The following NEK10 variants were observed in gnomAD, a reference collection of about 807,000 sequenced individuals.
The protein encoded by NEK10 is serine/threonine-protein kinase Nek10.
In NEK10, 122 loss-of-function variants were observed where a neutral mutation model predicts 159.8. The ratio of observed to expected loss-of-function variants is 0.76; its 90% confidence interval spans 0.66 to 0.89. The LOEUF (loss-of-function observed/expected upper bound fraction) is 0.89, where lower values mean the gene tolerates loss of function less well. Ranked by LOEUF, NEK10 falls within the 40% of genes least tolerant of loss-of-function variation. The pLI is 0.00. For missense variants in NEK10, 1,342 were observed against 1,323.1 expected (o/e 1.01, Z -0.22); for synonymous variants, 466 against 457.1 (o/e 1.02, Z -0.25).
rs180893036 is a variant in NEK10 at position 27,362,817 on chromosome 3, C to T, written c.-38+6408G>A. Among the ~76,000 whole-genome samples the T allele has an allele frequency of 2.6e-3, 401 of 152,040 alleles. 5 individuals carry two copies. The highest frequency in any genetic ancestry group is 6.8e-3 in the Middle Eastern group (2 of 294). On this transcript the variant is annotated intron_variant, in intron 1 of 35. Coordinates refer to ENST00000691995, the MANE Select transcript of NEK10 (RefSeq NM_001394966.1). The stretch of plus-strand genomic sequence containing the variant: ...TATCTGTCCACCGTCACTGCCAACG[C>T]CCTAGTCCAAACTTACATCAGTGCT...
intron 22 of NEK10, among the ~76,000 whole-genome samples, chr3:27,269,492 G>T (rs2041165945): frequency 6.6e-6 from 1 of 152,192 alleles, no homozygotes; most frequent in Non-Finnish European, 1.5e-5. Context: ...ATGACTTGCT[G>T]AAGGCTCAGA....
In NEK10 at chr3:27,299,229, C is replaced by T. The variant is rs1040819454; in HGVS notation, c.1169-1989G>A. Among the ~76,000 whole-genome samples, 3 of 152,258 alleles carry T rather than the reference C, an allele frequency of 2.0e-5. No individual in the cohort carries two copies. The East Asian group carries it at 5.8e-4, about 29-fold the overall frequency. ...CTGTGCGCAGTCTAGGGACTTGGTGCCCTGCATCCCAGCCACTTCAGTCAT... is the reference window on the plus strand; with the variant it reads ...CTGTGCGCAGTCTAGGGACTTGGTGTCCTGCATCCCAGCCACTTCAGTCAT... On this transcript the variant is annotated intron_variant, in intron 13 of 35. Transcript: ENST00000691995.
intron 23 of NEK10, chr3:27,215,622 CTTTAT>C (rs1463530126): frequency 6.5e-6 from 3 of 463,932 alleles, no homozygotes; most frequent in Non-Finnish European, 1.1e-5. Flanking sequence ...AAGGATTGTA[CTTTAT>C]TTTGTTTATC....
rs143872930 is a variant in NEK10 at position 27,225,148 on chromosome 3, G to A, written c.2091-22591C>T. On this transcript the variant is annotated intron_variant, in intron 23 of 35. Transcript: ENST00000691995. ...AAGAACTTGGAGTCCAGTGTTCAAG[G>A]GCAGGAAGCATCCAGCATGGGAGAA... 1.1e-4 allele frequency among the ~76,000 whole-genome samples: 16 copies of A among 152,294 alleles called. No individual in the cohort carries two copies. In the East Asian group the frequency reaches 2.7e-3, roughly 26 times the overall value.
At chr3:27,119,156 T>C (rs1287390183) in intron 33 of NEK10, among the ~76,000 whole-genome samples, 4 of 152,226 alleles carry the variant, frequency 2.6e-5, no homozygotes, top group Non-Finnish European at 4.4e-5. Flanking sequence ...ATCCTCACTA[T>C]AACCTTGTGA....
chr3:27,207,682 T>C (rs1347838047), intron 23 of NEK10, among the ~76,000 whole-genome samples: 1 of 152,116 alleles, frequency 6.6e-6, no homozygotes, highest in East Asian at 1.9e-4. Context: ...TAATTCTGAG[T>C]CTATTAAAAA....
chr3:27,343,703 C>T (rs1052860090), intron 5 of NEK10, among the ~76,000 whole-genome samples: 7 of 152,128 alleles, frequency 4.6e-5, no homozygotes, highest in Non-Finnish European at 8.8e-5. Flanking sequence ...TCAATGGCTC[C>T]CTGAAAACCC....
At position 27,131,996 on chromosome 3, in the gene NEK10, T is replaced by A; in HGVS notation, c.2971-6A>T. 2 of 1,528,066 alleles carry A rather than the reference T, an allele frequency of 1.3e-6. No individual in the cohort carries two copies. Among genetic ancestry groups the A allele is most frequent in the Non-Finnish European group, 1.8e-6 (2 of 1,104,884 alleles). The allele number at this position is 1,528,066 out of a possible 1,614,324, so 94.7% of individuals were successfully genotyped here. A position where few individuals can be genotyped will look rare whatever the true frequency, so the allele number is the denominator to read the frequency against. On this transcript the variant is annotated splice_polypyrimidine_tract_variant and splice_region_variant and intron_variant, in intron 31 of 35. Coordinates refer to ENST00000691995, the MANE Select transcript of NEK10 (RefSeq NM_001394966.1). The stretch of plus-strand genomic sequence containing the variant: ...TGGTGCAAAGCTGGAGGAAGCTGCA[T>A]AAAATAAGAAAACAATCATTATAAA...
chr3:27,359,592 G>C (rs993686999), intron 1 of NEK10, among the ~76,000 whole-genome samples: 10 of 152,112 alleles, frequency 6.6e-5, no homozygotes, highest in Non-Finnish European at 1.5e-4. Context: ...TTTGAGAAAA[G>C]TAGTTAAAAT....
At chr3:27,111,691 T>C (rs114478542) in intron 35 of NEK10, among the ~76,000 whole-genome samples, 1 of 152,322 alleles carries the variant, frequency 6.6e-6, no homozygotes, top group African/African-American at 2.4e-5. Context: ...TGTTATCTTG[T>C]ATACTGTTAT....
intron 31 of NEK10, among the ~76,000 whole-genome samples, chr3:27,136,458 C>T (rs1401979786): frequency 6.6e-6 from 1 of 152,042 alleles, no homozygotes; most frequent in East Asian, 1.9e-4. Flanking sequence ...ATTTTCAAAG[C>T]ATCTATTTAA....
At chr3:27,265,587 T>G (rs1179408026) in intron 22 of NEK10, 2 of 152,210 alleles carry the variant, frequency 1.3e-5, no homozygotes, top group Non-Finnish European at 2.9e-5. Context: ...TTTAAAGAAA[T>G]GGACCACTTC....
chr3:27,221,780 G>C (rs1952124346), intron 23 of NEK10, among the ~76,000 whole-genome samples: 1 of 152,072 alleles, frequency 6.6e-6, no homozygotes, highest in African/African-American at 2.4e-5. Flanking sequence ...ACCCCCACTA[G>C]CCCTGCTCAT....
At chr3:27,286,079 C>CTTT (rs35663067) in intron 20 of NEK10, among the ~76,000 whole-genome samples, 3,010 of 57,768 alleles carry the variant, frequency 0.052, 723 homozygotes, top group African/African-American at 0.13. Flanking sequence ...ATTTCCAATT[C>CTTT]TTTTTTTTTT....
chr3:27,311,860 T>C (rs951638892), intron 8 of NEK10: 18 of 438,132 alleles, frequency 4.1e-5, no homozygotes, highest in Non-Finnish European at 7.3e-5. Context: ...TTTGCTTTTA[T>C]GGAAGCCTCT....
At chr3:27,180,696 G>A (rs1157207101) in intron 26 of NEK10, among the ~76,000 whole-genome samples, 1 of 152,128 alleles carries the variant, frequency 6.6e-6, no homozygotes. Context: ...TGCACATTTT[G>A]CACATGTTGT....
chr3:27,247,540 ATT>A (rs1157687218), intron 23 of NEK10, among the ~76,000 whole-genome samples: 2 of 151,706 alleles, frequency 1.3e-5, no homozygotes, highest in Non-Finnish European at 2.9e-5. Flanking sequence ...ATTTTATTTT[ATT>A]TTATTTTATT....
intron 35 of NEK10, among the ~76,000 whole-genome samples, chr3:27,114,334 G>C (rs1432965855): frequency 6.6e-6 from 1 of 152,134 alleles, no homozygotes; most frequent in African/African-American, 2.4e-5. Flanking sequence ...AATCTCTCCA[G>C]GGATGGTGGG....
At chr3:27,259,065 TG>T (rs1208364947) in intron 22 of NEK10, among the ~76,000 whole-genome samples, 2 of 141,258 alleles carry the variant, frequency 1.4e-5, no homozygotes, top group Admixed American at 1.3e-4. Flanking sequence ...TTGATGCAGT[TG>T]TTTTTTTTTT....
Sources: gnomAD v4.1 joint callset for allele counts (sites outside exome capture counted in the v4.1 genomes callset) on GRCh38, gnomAD v4.1.1 for gene constraint, MANE v1.5 for transcripts, NCBI Gene and HGNC (gene_info 2026-07-23, HGNC 2026-07-21) for gene names.